ADAM9: variants seen among roughly 807,000 people sequenced by gnomAD.
The protein encoded by ADAM9 is ADAM metallopeptidase domain 9.
A neutral mutation model predicts 108.1 loss-of-function variants in ADAM9; 54 were observed. The observed-to-expected ratio is 0.50, with a 90% CI of 0.40 to 0.63. The LOEUF is 0.63. Among genes scored for constraint, ADAM9 ranks in the 20% least tolerant of loss-of-function variants. The pLI is 0.00. For missense variants in ADAM9, 830 were observed against 997.7 expected (o/e 0.83, Z 2.26); for synonymous variants, 316 against 336.0 (o/e 0.94, Z 0.65).
intron 1 of ADAM9, among the ~76,000 whole-genome samples, chr8:39,002,159 CAG>C (rs1323347798): frequency 2.0e-5 from 3 of 150,572 alleles, no homozygotes; most frequent in Non-Finnish European, 4.4e-5. Context: ...ACTTTGGAAA[CAG>C]AATTATCTTA....
At chr8:39,076,150 G>A (rs1838844157) in intron 15 of ADAM9, 1 of 152,184 alleles carries the variant, frequency 6.6e-6, no homozygotes, top group African/African-American at 2.4e-5. Flanking sequence ...TCACCAGGCT[G>A]TCACTGAAAT....
intron 14 of ADAM9, among the ~76,000 whole-genome samples, chr8:39,058,813 T>G (rs1838206159): frequency 6.6e-6 from 1 of 152,186 alleles, no homozygotes; most frequent in Non-Finnish European, 1.5e-5. Context: ...ATTTTGCTAG[T>G]GGGTCACTAT....
intron 12 of ADAM9, 131 bp from the exon 13 acceptor site, chr8:39,054,350 A>G: frequency 1.3e-6 from 1 of 778,562 alleles, no homozygotes; most frequent in Non-Finnish European, 2.2e-6. Flanking sequence ...ACAGTAAGCA[A>G]CTGTTTCTGG....
chr8:39,099,570 C>A (rs192851522), intron 20 of ADAM9, among the ~76,000 whole-genome samples: 1 of 152,052 alleles, frequency 6.6e-6, no homozygotes, highest in African/African-American at 2.4e-5. Flanking sequence ...CAGTCTTATA[C>A]CATAAAAAAA....
rs752668914 is a variant in ADAM9 at position 39,090,041 on chromosome 8, C to T, written c.2069-6C>T. ...GTGACTGTTGATGTAAAATTCTTCT[C>T]TCTAGAAATGAATACTGCATTGAGG... On this transcript the variant is annotated splice_region_variant and splice_polypyrimidine_tract_variant and intron_variant, in intron 18 of 21. Coordinates refer to ENST00000487273, the MANE Select transcript of ADAM9 (RefSeq NM_003816.3). 1.6e-5 allele frequency: 26 copies of T among 1,613,482 alleles called. No individual in the cohort carries two copies. The South Asian group carries it at 2.6e-4, about 16-fold the overall frequency.
intron 7 of ADAM9, among the ~76,000 whole-genome samples, chr8:39,021,165 G>C (rs1476046197): frequency 1.3e-5 from 2 of 152,134 alleles, no homozygotes; most frequent in Non-Finnish European, 2.9e-5. Context: ...TTTTATTCCT[G>C]TCACTACAAT....
intron 18 of ADAM9, among the ~76,000 whole-genome samples, chr8:39,086,571 T>C (rs1239967667): frequency 6.6e-6 from 1 of 152,218 alleles, no homozygotes; most frequent in Admixed American, 6.5e-5. Context: ...TAACTGCTAA[T>C]GTCCTTGTCT....
chr8:39,089,073 C>T (rs1314688172), intron 18 of ADAM9, among the ~76,000 whole-genome samples: 2 of 151,978 alleles, frequency 1.3e-5, no homozygotes, highest in Non-Finnish European at 2.9e-5. Flanking sequence ...CATGGTGAAA[C>T]CTGTCTCTAC....
At chr8:39,086,585 A>G (rs1284515908) in intron 18 of ADAM9, among the ~76,000 whole-genome samples, 1 of 152,150 alleles carries the variant, frequency 6.6e-6, no homozygotes, top group Non-Finnish European at 1.5e-5. Context: ...CTTGTCTACT[A>G]ATTCTGTCAT....
Position 39,023,158 on chromosome 8 carries a change from G to A in ADAM9, c.747G>A (p.Met249Ile), listed in dbSNP as rs1836802004. 2.5e-6 allele frequency: 4 copies of A among 1,609,758 alleles called. No individual in the cohort carries two copies. The highest frequency in any genetic ancestry group is 3.4e-6 in the Non-Finnish European group (4 of 1,176,716). ...MILLANYLDS[M>I]YIMLNIRIVL... The stretch of plus-strand genomic sequence containing the variant: ...TACTTTTATTTCTTTCTTCCCAGAT[G>A]TATATTATGTTAAATATTCGAATTG... Residue 249 changes from methionine (M) to isoleucine (I), a missense_variant and splice_region_variant, in exon 9 of 22, where the codon ATG becomes ATA. By Grantham distance (10) the Met-to-Ile change is conservative. Transcript: ENST00000487273.
chr8:39,101,954 T>A (rs1421501155), intron 21 of ADAM9, 24 bp downstream of exon 21: 11 of 1,595,540 alleles, frequency 6.9e-6, no homozygotes, highest in Middle Eastern at 3.3e-4. Flanking sequence ...TTGCTTAGAT[T>A]TTTTGGCCAG....
intron 12 of ADAM9, among the ~76,000 whole-genome samples, chr8:39,045,695 T>C (rs1445891539): frequency 6.6e-6 from 1 of 152,054 alleles, no homozygotes; most frequent in East Asian, 1.9e-4. Context: ...GATACCTTTT[T>C]TACATAACGA....
intron 1 of ADAM9, among the ~76,000 whole-genome samples, chr8:38,999,113 G>T (rs1303385557): frequency 1.3e-5 from 2 of 152,126 alleles, no homozygotes; most frequent in African/African-American, 4.8e-5. Context: ...CTCGGGGAAC[G>T]TTCATACAAA....
intron 18 of ADAM9, among the ~76,000 whole-genome samples, chr8:39,083,750 T>A (rs1732344085): frequency 6.6e-6 from 1 of 152,220 alleles, no homozygotes; most frequent in Non-Finnish European, 1.5e-5. Flanking sequence ...TAATTACTGA[T>A]TTGCTTTTTA....
At position 39,044,219 on chromosome 8, in the gene ADAM9, T is replaced by G. The variant is rs147653960; in HGVS notation, c.1302+2102T>G. Among the ~76,000 whole-genome samples, 355 of 152,366 alleles carry G rather than the reference T, an allele frequency of 2.3e-3. 4 individuals are homozygous for G. Among genetic ancestry groups the G allele is most frequent in the African/African-American group, 8.3e-3 (347 of 41,592 alleles). On this transcript the variant is annotated intron_variant, in intron 12 of 21. Coordinates refer to ENST00000487273, the MANE Select transcript of ADAM9 (RefSeq NM_003816.3). Reference sequence around the variant, plus strand: ...GTTTTCTTCTAAGAGTTTTACTGTTTCAGGCCTTATGTTTAAGTCTTTAAT... The same window carrying G: ...GTTTTCTTCTAAGAGTTTTACTGTTGCAGGCCTTATGTTTAAGTCTTTAAT...
intron 4 of ADAM9, 86 bp from the exon 5 acceptor site, chr8:39,016,031 TA>T: frequency 8.0e-7 from 1 of 1,252,458 alleles, no homozygotes; most frequent in Non-Finnish European, 1.2e-6. Context: ...TTGACTGGCC[TA>T]AAGTAATTTT....
At chr8:39,064,874 C>T (rs1020479550) in intron 14 of ADAM9, among the ~76,000 whole-genome samples, 12 of 152,098 alleles carry the variant, frequency 7.9e-5, no homozygotes, top group African/African-American at 2.9e-4. Context: ...TATTGTCTTC[C>T]AGTTTACAGA....
intron 11 of ADAM9, among the ~76,000 whole-genome samples, chr8:39,028,384 G>C (rs1383900712): frequency 6.6e-6 from 1 of 152,200 alleles, no homozygotes; most frequent in Non-Finnish European, 1.5e-5. Flanking sequence ...AATTAGGTAT[G>C]TAAGGAACGT....
intron 1 of ADAM9, among the ~76,000 whole-genome samples, chr8:39,005,777 A>G (rs1344118284): frequency 6.6e-6 from 1 of 152,152 alleles, no homozygotes; most frequent in African/African-American, 2.4e-5. Flanking sequence ...TCATGATAGG[A>G]CTGATAGGAT....
Sources: allele counts gnomAD v4.1 joint callset (sites outside exome capture counted in the v4.1 genomes callset), GRCh38; gene constraint gnomAD v4.1.1; transcripts MANE v1.5; gene names NCBI Gene and HGNC (gene_info 2026-07-23, HGNC 2026-07-21).